Variants in PRKG1 observed in about 807,000 individuals in gnomAD.
PRKG1 encodes the protein cGMP-dependent protein kinase 1.
Under a neutral mutation model 88.1 loss-of-function variants are expected in PRKG1, and 35 were observed. That is an observed-to-expected ratio of 0.40 (90% CI 0.30 to 0.53). The LOEUF (loss-of-function observed/expected upper bound fraction) is 0.53, where lower values mean the gene tolerates loss of function less well. Ranked by LOEUF, PRKG1 falls within the 20% of genes least tolerant of loss-of-function variation. PRKG1 has a pLI of 0.59. For synonymous variants in PRKG1, 303 were observed against 292.5 expected (o/e 1.04, Z -0.37); for missense variants, 540 against 839.8 (o/e 0.64, Z 4.41).
intron 3 of PRKG1, among the ~76,000 whole-genome samples, chr10:51,736,126 G>A (rs536384081): frequency 2.7e-5 from 4 of 150,872 alleles, no homozygotes; most frequent in South Asian, 2.1e-4. Context: ...TCCTGGGCTC[G>A]AACGATCCAC....
intron 3 of PRKG1, among the ~76,000 whole-genome samples, chr10:51,659,191 G>A (rs916237462): frequency 5.9e-5 from 9 of 152,064 alleles, no homozygotes; most frequent in Non-Finnish European, 4.4e-5. Flanking sequence ...CTAGAAAATA[G>A]GCTTGAAGAT....
chr10:51,307,072 T>C (rs1293378038), intron 2 of PRKG1, among the ~76,000 whole-genome samples: 2 of 152,140 alleles, frequency 1.3e-5, no homozygotes, highest in Admixed American at 6.6e-5. Flanking sequence ...TAGAGAAATA[T>C]CAACAAACTT....
intron 3 of PRKG1, among the ~76,000 whole-genome samples, chr10:51,652,450 T>C (rs1028904743): frequency 6.6e-6 from 1 of 152,068 alleles, no homozygotes; most frequent in South Asian, 2.1e-4. Context: ...CTCTTAAATA[T>C]AGATTTTAGA....
At position 52,296,706 on chromosome 10, in the gene PRKG1, A is replaced by G. The variant is rs1342550084; in HGVS notation, c.*2806A>G. 1 of 152,090 alleles carries G rather than the reference A, an allele frequency of 6.6e-6. No homozygotes were observed. The highest frequency in any genetic ancestry group is 2.4e-5 in the African/African-American group (1 of 41,448). The allele number at this position is 152,090 out of a possible 1,614,324, so 9.4% of individuals were successfully genotyped here. Reference sequence around the variant, plus strand: ...CTTTCTGTGTGTCTTGACTCACAGGAAAACTGAAACTGCCAAGGGAAGCAA... The same window carrying G: ...CTTTCTGTGTGTCTTGACTCACAGGGAAACTGAAACTGCCAAGGGAAGCAA... On this transcript the variant is annotated 3_prime_UTR_variant, in exon 18 of 18. Transcript: ENST00000373980.
At chr10:51,789,658 A>G (rs865911217) in intron 3 of PRKG1, among the ~76,000 whole-genome samples, 18 of 152,286 alleles carry the variant, frequency 1.2e-4, no homozygotes, top group Middle Eastern at 6.8e-3. Context: ...CCAGACAGGA[A>G]TATGTATGAG....
At chr10:51,993,683 A>G (rs1004221729) in intron 5 of PRKG1, among the ~76,000 whole-genome samples, 10 of 152,198 alleles carry the variant, frequency 6.6e-5, no homozygotes, top group African/African-American at 2.4e-4. Context: ...CTGTTCCTCG[A>G]TCTACAAACC....
At chr10:52,170,078 C>T (rs1346412114) in intron 9 of PRKG1, among the ~76,000 whole-genome samples, 1 of 152,090 alleles carries the variant, frequency 6.6e-6, no homozygotes, top group Non-Finnish European at 1.5e-5. Context: ...TCTAAAGAAC[C>T]TATAAAAATA....
At chr10:51,880,706 A>G (rs1281897785) in intron 4 of PRKG1, among the ~76,000 whole-genome samples, 1 of 152,138 alleles carries the variant, frequency 6.6e-6, no homozygotes. Flanking sequence ...CCCCAGTAAA[A>G]CCTCACACTG....
In PRKG1 at chr10:52,123,265, G is replaced by A. The variant is rs76269533; in HGVS notation, c.936-10575G>A. On this transcript the variant is annotated intron_variant, in intron 7 of 17. Coordinates refer to ENST00000373980, the MANE Select transcript of PRKG1 (RefSeq NM_006258.4). ...TTGTGTTCTCCCGTGGATATAGATC[G>A]AAGAGGATATGCAGTCTCTCAGGAA... 8.2e-3 allele frequency among the ~76,000 whole-genome samples: 1,256 copies of A among 152,256 alleles called. 21 individuals are homozygous for A. The highest frequency in any genetic ancestry group is 0.029 in the African/African-American group (1,189 of 41,550).
Position 52,146,083 on chromosome 10 carries a change from A to G in PRKG1, c.1001+12178A>G, listed in dbSNP as rs1030510319. The stretch of plus-strand genomic sequence containing the variant: ...CTCCTAGCTGCACTGGAGACAGTAC[A>G]TTGTCATCTAGACAAGAAACCCACT... On this transcript the variant is annotated intron_variant, in intron 8 of 17. Transcript: ENST00000373980. Among the ~76,000 whole-genome samples the G allele has an allele frequency of 2.0e-5, 3 of 152,208 alleles. No homozygotes were observed. In the East Asian group the frequency reaches 5.8e-4, roughly 29 times the overall value.
Position 51,172,640 on chromosome 10 carries a change from GTATGTATGTATCTATCTATCTATC to G in PRKG1, c.478+19314_478+19337del, listed in dbSNP as rs1288735233. On this transcript the variant is annotated intron_variant, in intron 2 of 17. Coordinates refer to ENST00000373980, the MANE Select transcript of PRKG1 (RefSeq NM_006258.4). ...TGTATGTATGTATGTATGTATGTAT[GTATGTATGTATCTATCTATCTATC>G]TATCTATCTATCTATCTATCTATCT... is the stretch of plus-strand genomic sequence containing the variant. Among the ~76,000 whole-genome samples, 653 of 92,624 alleles carry G rather than the reference GTATGTATGTATCTATCTATCTATC, an allele frequency of 7.1e-3. 1 individual carries two copies. The highest frequency in any genetic ancestry group is 0.026 in the African/African-American group (532 of 20,124). The allele number at this position is 92,624 out of a possible 152,430, so 60.8% of individuals were successfully genotyped here. A position where few individuals can be genotyped will look rare whatever the true frequency, so the allele number is the denominator to read the frequency against.
intron 2 of PRKG1, among the ~76,000 whole-genome samples, chr10:51,402,456 T>C (rs1335623521): frequency 6.6e-6 from 1 of 152,224 alleles, no homozygotes; most frequent in Non-Finnish European, 1.5e-5. Flanking sequence ...CACTTTTGTG[T>C]TGCATAGTCA....
At chr10:52,134,993 C>T (rs973574764) in intron 8 of PRKG1, among the ~76,000 whole-genome samples, 4 of 152,104 alleles carry the variant, frequency 2.6e-5, no homozygotes, top group Non-Finnish European at 5.9e-5. Flanking sequence ...TACTGAGAAT[C>T]TCCCATGTGC....
chr10:51,656,017 G>A (rs1027733736), intron 3 of PRKG1, among the ~76,000 whole-genome samples: 2 of 152,094 alleles, frequency 1.3e-5, no homozygotes, highest in Admixed American at 1.3e-4. Flanking sequence ...AATTATTAGG[G>A]ATGGAGTCTT....
At chr10:51,113,944 CGT>C (rs35562284) in intron 1 of PRKG1, among the ~76,000 whole-genome samples, 12,774 of 138,824 alleles carry the variant, frequency 0.092, 554 homozygotes, top group Non-Finnish European at 0.11. Context: ...AGCCTGTAAA[CGT>C]GTGTGTGTGT....
chr10:52,274,518 C>CATATAT (rs371343306), intron 12 of PRKG1, among the ~76,000 whole-genome samples: 10 of 143,384 alleles, frequency 7.0e-5, no homozygotes, highest in African/African-American at 2.6e-4. Flanking sequence ...TACATGCCAT[C>CATATAT]ATATATATAT....
In PRKG1 at chr10:51,100,119, C is replaced by T. The variant is rs77583401; in HGVS notation, c.311+25218C>T. Among the ~76,000 whole-genome samples, 1,328 of 152,128 alleles carry T rather than the reference C, an allele frequency of 8.7e-3. 27 individuals carry two copies. The highest frequency in any genetic ancestry group is 0.03 in the African/African-American group (1,246 of 41,482). ...GTGTTGCCCAGGTTGGTCCTGAACC[C>T]CTGGCATTAAGTAGTCCTCCTGCCT... On this transcript the variant is annotated intron_variant, in intron 1 of 17. Coordinates refer to ENST00000373980, the MANE Select transcript of PRKG1 (RefSeq NM_006258.4).
At chr10:51,385,545 A>C (rs1837228726) in intron 2 of PRKG1, among the ~76,000 whole-genome samples, 1 of 152,178 alleles carries the variant, frequency 6.6e-6, no homozygotes, top group Non-Finnish European at 1.5e-5. Flanking sequence ...TCAGGTTAAC[A>C]GAGGGCACAT....
intron 3 of PRKG1, among the ~76,000 whole-genome samples, chr10:51,472,324 T>A (rs1840068252): frequency 6.6e-6 from 1 of 151,972 alleles, no homozygotes; most frequent in Non-Finnish European, 1.5e-5. Context: ...ATTCAAACTG[T>A]ATCAGAAAAA....
Sources: allele counts gnomAD v4.1 joint callset (sites outside exome capture counted in the v4.1 genomes callset), GRCh38; gene constraint gnomAD v4.1.1; transcripts MANE v1.5; gene names NCBI Gene and HGNC (gene_info 2026-07-23, HGNC 2026-07-21).